SLC49A4: variants seen among roughly 807,000 people sequenced by gnomAD.
SLC49A4 encodes solute carrier family 49 member 4.
SLC49A4 carries 36 observed loss-of-function variants against 50.6 expected under a neutral mutation model. That is an observed-to-expected ratio of 0.71 (90% CI 0.55 to 0.94). The LOEUF (loss-of-function observed/expected upper bound fraction) is 0.94. Among genes scored for constraint, SLC49A4 ranks in the 40% least tolerant of loss-of-function variants. The pLI is 0.00. For synonymous variants in SLC49A4, 248 were observed against 241.2 expected, an observed-to-expected ratio of 1.03 and a Z score of -0.26; for missense variants, 503 against 605.7, an observed-to-expected ratio of 0.83 and a Z score of 1.78.
chr3:122,840,104 G>A (rs1175759311), intron 4 of SLC49A4, among the ~76,000 whole-genome samples: 1 of 152,216 alleles, frequency 6.6e-6, no homozygotes, highest in Non-Finnish European at 1.5e-5. Context: ...TAGGGAGCTG[G>A]AAGCCGTTAT....
chr3:122,871,110 G>A (rs530556298), intron 7 of SLC49A4, among the ~76,000 whole-genome samples: 2 of 152,194 alleles, frequency 1.3e-5, no homozygotes, highest in Non-Finnish European at 2.9e-5. Context: ...AAATAATTTG[G>A]TCACTGCCTT....
rs1937043694 is a variant in SLC49A4, at chr3:122,860,203, G to A, written c.1138+1G>A. 6.3e-7 allele frequency: 1 copy of A among 1,586,858 alleles called. No homozygotes were observed. The highest frequency in any genetic ancestry group is 1.2e-5 in the South Asian group (1 of 86,066). On this transcript the variant is annotated splice_donor_variant, in intron 7 of 8. Coordinates refer to ENST00000261038, the MANE Select transcript of SLC49A4 (RefSeq NM_032839.3). LOFTEE classifies it high-confidence loss of function. ...ATCACACACCTACCTTTAACCACAG[G>A]TGAGCATAGGCTATTTTTGAACTTT...
chr3:122,826,905 A>T lies in SLC49A4; in HGVS notation c.543A>T (p.Thr181=). The T allele has an allele frequency of 3.1e-6, 5 of 1,614,206 alleles. No homozygotes were observed. The highest frequency in any genetic ancestry group is 4.2e-6 in the Non-Finnish European group (5 of 1,180,030). ...GGTTTTCTGCAGATGAAAGGGCCAC[A>T]GCCACAGCTATTGCATCAATGCTCA... ...TTWFSADERA[T]ATAIASMLSY... The change falls in exon 3 of 9, where the codon ACA becomes ACT. Residue 181 remains threonine (T), a synonymous_variant. Coordinates refer to ENST00000261038, the MANE Select transcript of SLC49A4 (RefSeq NM_032839.3).
chr3:122,836,060 T>C (rs943003085), intron 4 of SLC49A4, among the ~76,000 whole-genome samples: 2 of 152,110 alleles, frequency 1.3e-5, no homozygotes, highest in African/African-American at 4.8e-5. Flanking sequence ...AGGTGAAATA[T>C]CTCTACAATA....
chr3:122,817,863 A>G (rs1485359382), intron 2 of SLC49A4, among the ~76,000 whole-genome samples: 2 of 143,598 alleles, frequency 1.4e-5, no homozygotes, highest in African/African-American at 5.2e-5. Context: ...CCAAAGTGCT[A>G]GGATTGCAGG....
At chr3:122,830,290 C>A (rs528027596) in intron 3 of SLC49A4, among the ~76,000 whole-genome samples, 2 of 152,222 alleles carry the variant, frequency 1.3e-5, no homozygotes, top group South Asian at 4.1e-4. Flanking sequence ...TCCCAGCTGC[C>A]TTTGTTGCAG....
chr3:122,833,591 T>TATC, intron 4 of SLC49A4, 145 bp downstream of exon 4: 2 of 757,190 alleles, frequency 2.6e-6, no homozygotes, highest in Non-Finnish European at 3.7e-6. Context: ...TTGAATATTT[T>TATC]AGATTTCCTA....
intron 1 of SLC49A4, among the ~76,000 whole-genome samples, chr3:122,795,838 C>T (rs1936028877): frequency 6.6e-6 from 1 of 152,204 alleles, no homozygotes. Context: ...TCCCCGTGCA[C>T]GTGCGGTGTA....
At chr3:122,832,939 T>C (rs1407782260) in intron 3 of SLC49A4, among the ~76,000 whole-genome samples, 1 of 152,166 alleles carries the variant, frequency 6.6e-6, no homozygotes, top group Admixed American at 6.5e-5. Flanking sequence ...AATAAATACC[T>C]GAGAGGCCGG....
intron 7 of SLC49A4, among the ~76,000 whole-genome samples, chr3:122,861,953 T>G (rs1410312735): frequency 6.6e-6 from 1 of 152,162 alleles, no homozygotes; most frequent in African/African-American, 2.4e-5. Flanking sequence ...ACATCGTATC[T>G]TTGCAAAGTA....
chr3:122,818,103 G>A (rs770552266), intron 2 of SLC49A4, among the ~76,000 whole-genome samples: 102 of 152,036 alleles, frequency 6.7e-4, no homozygotes, highest in Non-Finnish European at 9.7e-4. Context: ...TGTCACACCA[G>A]CATTATTAAT....
chr3:122,861,982 G>A (rs571227647), intron 7 of SLC49A4, among the ~76,000 whole-genome samples: 6 of 152,164 alleles, frequency 3.9e-5, no homozygotes, highest in Non-Finnish European at 8.8e-5. Context: ...GGTGGTTGCT[G>A]TGATAAAAAG....
rs1422460599 is a variant in SLC49A4 at position 122,795,126 on chromosome 3, C to T, written c.-67C>T. On this transcript the variant is annotated 5_prime_UTR_variant, in exon 1 of 9. Coordinates refer to ENST00000261038, the MANE Select transcript of SLC49A4 (RefSeq NM_032839.3). ...CCGCCTCCTGCTGCTCAGGACTATT[C>T]TGCGCTGGGCTAGTCGGCGGTGACC... is the stretch of plus-strand genomic sequence containing the variant. The T allele has an allele frequency of 4.7e-6, 6 of 1,285,310 alleles. No individual in the cohort carries two copies. Among genetic ancestry groups the T allele is most frequent in the African/African-American group, 1.6e-5 (1 of 64,262 alleles). 79.6% of individuals were successfully genotyped at this position (1,285,310 alleles called of 1,614,324 possible). A position where few individuals can be genotyped will look rare whatever the true frequency, so the allele number is the denominator to read the frequency against.
intron 1 of SLC49A4, among the ~76,000 whole-genome samples, chr3:122,798,634 CTTTTTTTTTTTTTT>C (rs71136594): frequency 6.4e-5 from 4 of 62,826 alleles, no homozygotes; most frequent in African/African-American, 2.0e-4. Context: ...ACTAAAATAT[CTTTTTTTTTTTTTT>C]TTTTTTTTTT....
At chr3:122,813,059 A>AGCCAACATAGTGAAACCCAGTCTC (rs1936320941) in intron 2 of SLC49A4, among the ~76,000 whole-genome samples, 1 of 152,058 alleles carries the variant, frequency 6.6e-6, no homozygotes, top group Non-Finnish European at 1.5e-5. Context: ...AGACCAGCCT[A>AGCCAACATAGTGAAACCCAGTCTC]GCCAACATAG....
chr3:122,839,315 T>G (rs1003364597), intron 4 of SLC49A4, among the ~76,000 whole-genome samples: 1 of 152,146 alleles, frequency 6.6e-6, no homozygotes, highest in African/African-American at 2.4e-5. Flanking sequence ...GGAGAAACAC[T>G]TCTGGACATT....
chr3:122,837,944 AAC>A (rs1200770963), intron 4 of SLC49A4, among the ~76,000 whole-genome samples: 1 of 152,122 alleles, frequency 6.6e-6, no homozygotes, highest in African/African-American at 2.4e-5. Flanking sequence ...GCAGCCAAAA[AAC>A]ACATGAAAAA....
chr3:122,861,413 G>T (rs1360878278), intron 7 of SLC49A4, among the ~76,000 whole-genome samples: 1 of 152,086 alleles, frequency 6.6e-6, no homozygotes, highest in African/African-American at 2.4e-5. Context: ...TATATTATTT[G>T]CAAGTAATAT....
At chr3:122,803,938 T>A (rs1017428395) in intron 1 of SLC49A4, among the ~76,000 whole-genome samples, 3 of 152,270 alleles carry the variant, frequency 2.0e-5, no homozygotes, top group Non-Finnish European at 4.4e-5. Flanking sequence ...ACTTACATCC[T>A]ATTACTGTTG....
Sources: gnomAD v4.1 joint callset for allele counts (sites outside exome capture counted in the v4.1 genomes callset) on GRCh38, gnomAD v4.1.1 for gene constraint, MANE v1.5 for transcripts, NCBI Gene and HGNC (gene_info 2026-07-23, HGNC 2026-07-21) for gene names.